Variants in NRXN1 observed in about 807,000 individuals in gnomAD.
NRXN1 encodes neurexin 1.
A neutral mutation model predicts 150.9 loss-of-function variants in NRXN1; 39 were observed. The observed-to-expected ratio is 0.26, with a 90% CI of 0.20 to 0.34. The LOEUF is 0.34. Among genes scored for constraint, NRXN1 ranks in the 10% least tolerant of loss-of-function variants. The pLI, the probability that NRXN1 is intolerant of heterozygous loss-of-function variation, is 1.00. For missense variants in NRXN1, 1,815 were observed against 1,949.9 expected (o/e 0.93, Z 1.30); for synonymous variants, 924 against 757.0 (o/e 1.22, Z -3.62).
At chr2:49,949,610 AC>A (rs1673565226) in intron 21 of NRXN1, among the ~76,000 whole-genome samples, 1 of 151,924 alleles carries the variant, frequency 6.6e-6, no homozygotes, top group African/African-American at 2.4e-5. Context: ...AGTATATGAT[AC>A]CCACAAATAA....
Position 50,656,488 on chromosome 2 carries a change from C to A in NRXN1, c.833-32873G>T. ...TTTTTGCTCTGTTTAAACATTCACA[C>A]CAACTGAGGTCTGGGGGTGAAAGGG... On this transcript the variant is annotated intron_variant, in intron 5 of 22. Transcript: ENST00000401669. 3 of 693,126 alleles carry A rather than the reference C, an allele frequency of 4.3e-6. No individual in the cohort carries two copies. The South Asian group carries it at 4.8e-5, about 11-fold the overall frequency. The allele number at this position is 693,126 out of a possible 1,614,324, so 42.9% of individuals were successfully genotyped here.
intron 17 of NRXN1, among the ~76,000 whole-genome samples, chr2:50,314,068 T>C (rs999570004): frequency 6.6e-6 from 1 of 152,024 alleles, no homozygotes; most frequent in Non-Finnish European, 1.5e-5. Context: ...GAAAAAGAAA[T>C]GGTTTTTCTA....
intron 8 of NRXN1, among the ~76,000 whole-genome samples, chr2:50,586,058 T>G (rs1023301569): frequency 1.1e-4 from 16 of 152,214 alleles, no homozygotes; most frequent in African/African-American, 3.9e-4. Context: ...CTTCTCAAAT[T>G]GACTCCCACT....
chr2:49,975,804 T>C (rs1042357499), intron 21 of NRXN1, among the ~76,000 whole-genome samples: 1 of 152,138 alleles, frequency 6.6e-6, no homozygotes, highest in Non-Finnish European at 1.5e-5. Context: ...TAATCACTGA[T>C]AGTAAACTGA....
At chr2:50,698,072 T>A (rs913591368) in intron 5 of NRXN1, among the ~76,000 whole-genome samples, 1 of 152,214 alleles carries the variant, frequency 6.6e-6, no homozygotes, top group East Asian at 1.9e-4. Flanking sequence ...ATCTTAGTTG[T>A]TTCACTTTAG....
chr2:50,653,870 C>T (rs1685993764), intron 5 of NRXN1, among the ~76,000 whole-genome samples: 1 of 151,670 alleles, frequency 6.6e-6, no homozygotes, highest in Non-Finnish European at 1.5e-5. Context: ...CTGCCTGCCT[C>T]TTACTTTGTT....
At chr2:50,649,496 T>A (rs894921538) in intron 5 of NRXN1, among the ~76,000 whole-genome samples, 1 of 151,950 alleles carries the variant, frequency 6.6e-6, no homozygotes, top group Admixed American at 6.6e-5. Flanking sequence ...GTGAAGAGAA[T>A]CAAACTTACA....
intron 5 of NRXN1, among the ~76,000 whole-genome samples, chr2:50,913,229 T>C (rs549417615): frequency 6.6e-6 from 1 of 151,904 alleles, no homozygotes; most frequent in Non-Finnish European, 1.5e-5. Flanking sequence ...TCTGGCAGAT[T>C]TTGCTACTAG....
chr2:50,015,075 A>G (rs1045867005), intron 21 of NRXN1, among the ~76,000 whole-genome samples: 2 of 152,034 alleles, frequency 1.3e-5, no homozygotes, highest in African/African-American at 4.8e-5. Context: ...CAGTTTTATG[A>G]TTTTTTAGTG....
intron 5 of NRXN1, among the ~76,000 whole-genome samples, chr2:50,792,821 A>G (rs993143014): frequency 6.6e-6 from 1 of 152,108 alleles, no homozygotes; most frequent in African/African-American, 2.4e-5. Context: ...TCTAAAAAAT[A>G]AATCCAATAT....
At chr2:50,345,502 T>TA (rs1319930178) in intron 17 of NRXN1, among the ~76,000 whole-genome samples, 2 of 152,066 alleles carry the variant, frequency 1.3e-5, no homozygotes, top group African/African-American at 2.4e-5. Flanking sequence ...AAAATGGATA[T>TA]AAAAAAAGTG....
intron 5 of NRXN1, among the ~76,000 whole-genome samples, chr2:50,813,040 A>T (rs1574563259): frequency 6.6e-6 from 1 of 152,156 alleles, no homozygotes; most frequent in Non-Finnish European, 1.5e-5. Flanking sequence ...AACATATTTT[A>T]AAAAATTAGC....
intron 10 of NRXN1, among the ~76,000 whole-genome samples, chr2:50,534,442 T>G (rs145691545): frequency 3.9e-5 from 6 of 152,244 alleles, no homozygotes; most frequent in African/African-American, 1.2e-4. Flanking sequence ...ACAAAAAGTT[T>G]CCCAAATGGG....
chr2:50,350,012 T>C (rs2078296992), intron 17 of NRXN1, among the ~76,000 whole-genome samples: 1 of 152,196 alleles, frequency 6.6e-6, no homozygotes, highest in African/African-American at 2.4e-5. Flanking sequence ...CAGTTCTCAT[T>C]ATTCACAGTA....
chr2:50,986,419 A>G (rs926544446), intron 2 of NRXN1, among the ~76,000 whole-genome samples: 1 of 151,800 alleles, frequency 6.6e-6, no homozygotes, highest in Non-Finnish European at 1.5e-5. Context: ...ATAGTAAAAA[A>G]CATTGAAACA....
chr2:49,926,401 A>T (rs1351876157), intron 22 of NRXN1: 1 of 398,334 alleles, frequency 2.5e-6, no homozygotes, highest in Non-Finnish European at 4.4e-6. Context: ...CTGTAGATTT[A>T]TCAAGAATCC....
chr2:49,954,201 TAGCCCCTCACACAG>T (rs148841660), intron 21 of NRXN1, among the ~76,000 whole-genome samples: 5,696 of 152,132 alleles, frequency 0.037, 341 homozygotes, highest in African/African-American at 0.13. Context: ...TCACTTACAC[TAGCCCCTCACACAG>T]ATGCTGTTCT....
intron 17 of NRXN1, among the ~76,000 whole-genome samples, chr2:50,415,873 T>C (rs917336756): frequency 6.6e-6 from 1 of 151,576 alleles, no homozygotes; most frequent in Admixed American, 6.6e-5. Context: ...TGTAGAGGCT[T>C]GTAGTTTCAT....
intron 2 of NRXN1, among the ~76,000 whole-genome samples, chr2:50,943,600 T>C (rs1689843771): frequency 6.6e-6 from 1 of 152,150 alleles, no homozygotes; most frequent in Non-Finnish European, 1.5e-5. Flanking sequence ...ACTGTTCACA[T>C]CTAGAACTGT....
Sources: allele counts gnomAD v4.1 joint callset (sites outside exome capture counted in the v4.1 genomes callset), GRCh38; gene constraint gnomAD v4.1.1; transcripts MANE v1.5; gene names NCBI Gene and HGNC (gene_info 2026-07-23, HGNC 2026-07-21).